Variants in RBP2 observed in about 807,000 individuals in gnomAD.
RBP2 encodes retinol-binding protein 2.
RBP2 carries 17 observed loss-of-function variants against 17.0 expected under a neutral mutation model. The observed-to-expected ratio is 1.00, with a 90% confidence interval of 0.68 to 1.50. The LOEUF (loss-of-function observed/expected upper bound fraction) is 1.50, where lower values mean the gene tolerates loss of function less well. Among genes scored for constraint, RBP2 ranks in the 40% most tolerant of loss-of-function variants. The pLI, the probability that RBP2 is intolerant of heterozygous loss-of-function variation, is 0.00. For missense variants in RBP2, 158 were observed against 168.2 expected (o/e 0.94, Z 0.33); for synonymous variants, 48 against 57.1 (o/e 0.84, Z 0.72).
intron 1 of RBP2, among the ~76,000 whole-genome samples, chr3:139,475,842 G>A (rs796622813): frequency 6.6e-6 from 1 of 152,184 alleles, no homozygotes; most frequent in Non-Finnish European, 1.5e-5. Flanking sequence ...CCTTGGCCTG[G>A]AACCCAGTTC....
chr3:139,465,114 G>A (rs1399126125), intron 1 of RBP2, among the ~76,000 whole-genome samples: 3 of 152,210 alleles, frequency 2.0e-5, no homozygotes, highest in Non-Finnish European at 4.4e-5. Context: ...GGATAGATGT[G>A]TAGAGAGATT....
intron 1 of RBP2, among the ~76,000 whole-genome samples, chr3:139,463,734 C>T (rs1345621391): frequency 6.6e-6 from 1 of 152,134 alleles, no homozygotes; most frequent in African/African-American, 2.4e-5. Flanking sequence ...GAAATCATCA[C>T]TCTTGGTCTT....
chr3:139,469,728 T>TCTATCTATCTAC, intron 1 of RBP2, among the ~76,000 whole-genome samples: 1 of 150,766 alleles, frequency 6.6e-6, no homozygotes, highest in East Asian at 2.0e-4. Flanking sequence ...TATCTATCTA[T>TCTATCTATCTAC]CTATCTACCT....
intron 2 of RBP2, among the ~76,000 whole-genome samples, chr3:139,459,392 C>T (rs1933103143): frequency 8.6e-6 from 1 of 116,920 alleles, no homozygotes; most frequent in South Asian, 2.9e-4. Context: ...CCTGTTTCTA[C>T]TATATATATG....
intron 2 of RBP2, among the ~76,000 whole-genome samples, chr3:139,459,106 A>G (rs1933090625): frequency 6.6e-6 from 1 of 152,114 alleles, no homozygotes; most frequent in Non-Finnish European, 1.5e-5. Context: ...GGAGATTTCC[A>G]GAGGGCTTGT....
At position 139,454,917 on chromosome 3, in the gene RBP2, A is replaced by G. The variant is rs190396143; in HGVS notation, c.253-87T>C. On this transcript the variant is annotated intron_variant, in intron 2 of 3. Coordinates refer to ENST00000232217, the MANE Select transcript of RBP2 (RefSeq NM_004164.3). ...ACCTGCAGCTGCAATTCCTGCAGCCATTTCAGGGTCTTGCTTACTCGAAGG... is the reference window on the plus strand; with the variant it reads ...ACCTGCAGCTGCAATTCCTGCAGCCGTTTCAGGGTCTTGCTTACTCGAAGG... 64 of 1,299,986 alleles carry G rather than the reference A, an allele frequency of 4.9e-5. No homozygotes were observed. In the East Asian group the frequency reaches 1.3e-3, roughly 27 times the overall value. 80.5% of individuals were successfully genotyped at this position (1,299,986 alleles called of 1,614,324 possible).
At chr3:139,468,654 A>G (rs1221602784) in intron 1 of RBP2, among the ~76,000 whole-genome samples, 5 of 151,112 alleles carry the variant, frequency 3.3e-5, no homozygotes, top group Middle Eastern at 6.9e-3. Flanking sequence ...TAGAACACAC[A>G]CACAAACACA....
chr3:139,465,373 C>T (rs1242742448), intron 1 of RBP2, among the ~76,000 whole-genome samples: 1 of 152,114 alleles, frequency 6.6e-6, no homozygotes, highest in African/African-American at 2.4e-5. Flanking sequence ...GTGTAACCTC[C>T]CTTGGGAAAC....
intron 2 of RBP2, among the ~76,000 whole-genome samples, chr3:139,461,441 G>A (rs1303844538): frequency 6.6e-6 from 1 of 152,076 alleles, no homozygotes; most frequent in Admixed American, 6.5e-5. Context: ...ATTATCCCTT[G>A]TTGGTTAAGG....
At chr3:139,468,660 A>T (rs1933443993) in intron 1 of RBP2, among the ~76,000 whole-genome samples, 1 of 151,040 alleles carries the variant, frequency 6.6e-6, no homozygotes, top group Non-Finnish European at 1.5e-5. Context: ...ACACACACAA[A>T]CACACACACA....
intron 3 of RBP2, 68 bp downstream of exon 3, chr3:139,454,661 C>T: frequency 6.7e-7 from 1 of 1,493,668 alleles, no homozygotes; most frequent in South Asian, 1.1e-5. Flanking sequence ...GTCAAAACAC[C>T]TGGCTAGGTG....
chr3:139,456,292 G>GT lies in RBP2; in HGVS notation c.253-1463dup, dbSNP rs201593612. On this transcript the variant is annotated intron_variant, in intron 2 of 3. Transcript: ENST00000232217. ...CCAGTGTCCTTGTACATTTGGGCCTGTTTTTTTTGGTACAAATCTGTTTTC... is the reference window on the plus strand; with the variant it reads ...CCAGTGTCCTTGTACATTTGGGCCTGTTTTTTTTTGGTACAAATCTGTTTTC... Among the ~76,000 whole-genome samples, 1,430 of 151,862 alleles carry GT rather than the reference G, an allele frequency of 9.4e-3. 25 individuals are homozygous for GT. The highest frequency in any genetic ancestry group is 0.031 in the African/African-American group (1,273 of 41,438).
At chr3:139,464,452 CA>C (rs61205168) in intron 1 of RBP2, among the ~76,000 whole-genome samples, 17,665 of 147,108 alleles carry the variant, frequency 0.12, 2,072 homozygotes, top group African/African-American at 0.31. Flanking sequence ...GACTCCATCT[CA>C]AAAAAAAAAA....
chr3:139,455,265 A>G (rs1943375436), intron 2 of RBP2, among the ~76,000 whole-genome samples: 1 of 152,196 alleles, frequency 6.6e-6, no homozygotes, highest in Non-Finnish European at 1.5e-5. Context: ...AATCAATAAG[A>G]AAAATGTCAT....
chr3:139,462,818 C>T (rs1933238123), intron 1 of RBP2, among the ~76,000 whole-genome samples: 2 of 152,000 alleles, frequency 1.3e-5, no homozygotes, highest in African/African-American at 2.4e-5. Context: ...GTTCTTAGCC[C>T]CCAGTATAGA....
chr3:139,454,607 C>T, intron 3 of RBP2, 122 bp downstream of exon 3: 1 of 824,734 alleles, frequency 1.2e-6, no homozygotes, highest in South Asian at 1.6e-5. Flanking sequence ...TGACCACATG[C>T]ATTTGGCTGG....
At chr3:139,461,405 C>A (rs1040934936) in intron 2 of RBP2, among the ~76,000 whole-genome samples, 2 of 152,144 alleles carry the variant, frequency 1.3e-5, no homozygotes, top group African/African-American at 4.8e-5. Flanking sequence ...AAAGTCTGGC[C>A]TTCTGATACA....
intron 1 of RBP2, among the ~76,000 whole-genome samples, chr3:139,472,293 A>G (rs1408773364): frequency 6.6e-6 from 1 of 152,248 alleles, no homozygotes; most frequent in African/African-American, 2.4e-5. Context: ...GTGGCAGATT[A>G]TATTTTCTTA....
At chr3:139,453,357 G>C (rs1011314957) in intron 3 of RBP2, among the ~76,000 whole-genome samples, 191 bp from the exon 4 acceptor site, 10 of 152,196 alleles carry the variant, frequency 6.6e-5, no homozygotes, top group African/African-American at 2.4e-4. Context: ...TTTGACACTT[G>C]AATTGAGCTT....
Sources: gnomAD v4.1 joint callset for allele counts (sites outside exome capture counted in the v4.1 genomes callset) on GRCh38, gnomAD v4.1.1 for gene constraint, MANE v1.5 for transcripts, NCBI Gene and HGNC (gene_info 2026-07-23, HGNC 2026-07-21) for gene names.